CDH8: variants seen among roughly 807,000 people sequenced by gnomAD.
CDH8 encodes cadherin-8.
Under a neutral mutation model 68.1 loss-of-function variants are expected in CDH8, and 17 were observed. The observed-to-expected ratio is 0.25, with a 90% CI of 0.17 to 0.37. CDH8 has a LOEUF of 0.37. Among genes scored for constraint, CDH8 ranks in the 10% least tolerant of loss-of-function variants. The probability of loss-of-function intolerance (pLI) is 1.00; values close to 1 mark genes in which losing one functional copy is unlikely to be tolerated. For synonymous variants in CDH8, 372 were observed against 365.1 expected, an observed-to-expected ratio of 1.02 and a Z score of -0.21; for missense variants, 763 against 999.3, an observed-to-expected ratio of 0.76 and a Z score of 3.19.
At chr16:61,898,064 G>A (rs1231342175) in intron 3 of CDH8, among the ~76,000 whole-genome samples, 1 of 152,140 alleles carries the variant, frequency 6.6e-6, no homozygotes, top group Non-Finnish European at 1.5e-5. Flanking sequence ...CACTTTGGAA[G>A]GCTGAAGGGG....
chr16:61,692,429 G>C (rs1964244412), intron 10 of CDH8: 1 of 152,094 alleles, frequency 6.6e-6, no homozygotes, highest in Admixed American at 6.6e-5. Flanking sequence ...AGTATGAAAA[G>C]AGTATGCATA....
intron 3 of CDH8, among the ~76,000 whole-genome samples, chr16:61,859,215 T>A (rs1025627582): frequency 1.3e-5 from 2 of 152,090 alleles, no homozygotes; most frequent in African/African-American, 2.4e-5. Context: ...TGCAAGTAAC[T>A]CATCAACTAG....
chr16:61,675,449 T>C (rs555770557), intron 10 of CDH8, among the ~76,000 whole-genome samples: 1 of 62,562 alleles, frequency 1.6e-5, no homozygotes, highest in East Asian at 5.5e-4. Flanking sequence ...GGGACTGTGG[T>C]GGGGTGGGGG....
intron 8 of CDH8, among the ~76,000 whole-genome samples, chr16:61,783,742 G>C (rs1484900415): frequency 6.6e-6 from 1 of 151,792 alleles, no homozygotes; most frequent in Non-Finnish European, 1.5e-5. Flanking sequence ...GGATCTCTCG[G>C]CAGAAACCCT....
chr16:61,756,470 G>A (rs1390728624), intron 8 of CDH8, among the ~76,000 whole-genome samples: 6 of 151,858 alleles, frequency 4.0e-5, no homozygotes, highest in Non-Finnish European at 8.8e-5. Flanking sequence ...ATTTTGGGAG[G>A]CAACAGAAAT....
chr16:61,754,526 T>C (rs890614796), intron 8 of CDH8, among the ~76,000 whole-genome samples: 34 of 152,092 alleles, frequency 2.2e-4, no homozygotes, highest in Admixed American at 2.0e-3. Context: ...TTATATATAA[T>C]AGTTGTACAT....
At chr16:62,007,962 TA>T (rs1214076779) in intron 2 of CDH8, among the ~76,000 whole-genome samples, 1 of 152,104 alleles carries the variant, frequency 6.6e-6, no homozygotes, top group African/African-American at 2.4e-5. Context: ...TTATTATTAT[TA>T]TTTTTTTGAG....
Position 61,652,638 on chromosome 16 carries a change from A to G in CDH8, c.*970T>C. 5.5e-6 allele frequency: 6 copies of G among 1,091,086 alleles called. No individual in the cohort carries two copies. Among genetic ancestry groups the G allele is most frequent in the Non-Finnish European group, 5.8e-6 (5 of 866,286 alleles). The allele number at this position is 1,091,086 out of a possible 1,614,324, so 67.6% of individuals were successfully genotyped here. ...TGTATTAAACATTCATTGTATATAT[A>G]TTTATATAAAACAATCTAAAGGATT... On this transcript the variant is annotated 3_prime_UTR_variant, in exon 12 of 12. Transcript: ENST00000577390.
intron 10 of CDH8, among the ~76,000 whole-genome samples, chr16:61,659,620 T>G (rs1003612240): frequency 3.5e-4 from 53 of 152,064 alleles, no homozygotes; most frequent in Admixed American, 2.8e-3. Flanking sequence ...GCCCTTTCTC[T>G]AGCCCACCGT....
In CDH8 at chr16:61,914,201, T is replaced by C. The variant is rs138472968; in HGVS notation, c.253-12728A>G. On this transcript the variant is annotated intron_variant, in intron 2 of 11. Transcript: ENST00000577390. ...TGCTGAAACTTTGATCTTGGACTTC[T>C]AGCCTCCAGCACCACGAGAAAATAA... 8.9e-4 allele frequency among the ~76,000 whole-genome samples: 135 copies of C among 152,318 alleles called. 1 individual carries two copies. The highest frequency in any genetic ancestry group is 3.0e-3 in the African/African-American group (125 of 41,562).
At chr16:62,035,787 G>C (rs1902442929) in intron 1 of CDH8, among the ~76,000 whole-genome samples, 1 of 152,194 alleles carries the variant, frequency 6.6e-6, no homozygotes, top group Non-Finnish European at 1.5e-5. Flanking sequence ...GAAGGAAACC[G>C]GCAGGAAAAC....
At chr16:61,834,809 A>G (rs576379478) in intron 4 of CDH8, among the ~76,000 whole-genome samples, 45 of 152,070 alleles carry the variant, frequency 3.0e-4, no homozygotes, top group African/African-American at 1.0e-3. Flanking sequence ...AAAACAATTC[A>G]TTTTCCACAG....
At chr16:61,773,010 G>T (rs1288631001) in intron 8 of CDH8, among the ~76,000 whole-genome samples, 3 of 152,006 alleles carry the variant, frequency 2.0e-5, no homozygotes, top group South Asian at 2.1e-4. Context: ...TGTGGAGAAT[G>T]AGATTATTTC....
Position 62,018,669 on chromosome 16 carries a change from G to A in CDH8, c.252+2483C>T, listed in dbSNP as rs116489136. ...AAGGGAAATAGGTATGATGGGAAAT[G>A]TTCGCAGAAAAGTTTTCCAGAAAAT... On this transcript the variant is annotated intron_variant, in intron 2 of 11. Coordinates refer to ENST00000577390, the MANE Select transcript of CDH8 (RefSeq NM_001796.5). 2.2e-3 allele frequency among the ~76,000 whole-genome samples: 341 copies of A among 152,298 alleles called. 3 individuals carry two copies. Among genetic ancestry groups the A allele is most frequent in the African/African-American group, 7.8e-3 (326 of 41,566 alleles).
At chr16:62,011,045 A>C (rs1275441903) in intron 2 of CDH8, among the ~76,000 whole-genome samples, 1 of 152,092 alleles carries the variant, frequency 6.6e-6, no homozygotes, top group Non-Finnish European at 1.5e-5. Flanking sequence ...AAAAAAAATA[A>C]ATAAATGTAT....
chr16:61,694,839 A>T (rs555471343), intron 10 of CDH8, among the ~76,000 whole-genome samples: 147 of 152,024 alleles, frequency 9.7e-4, no homozygotes, highest in Non-Finnish European at 1.9e-3. Context: ...TGGAGTGCAG[A>T]GGTGTGATCT....
At chr16:61,823,710 G>T (rs1266483893) in intron 5 of CDH8, among the ~76,000 whole-genome samples, 2 of 151,812 alleles carry the variant, frequency 1.3e-5, no homozygotes, top group African/African-American at 4.8e-5. Flanking sequence ...TTAGGATAAA[G>T]GTCCTCATAG....
In CDH8 at chr16:61,699,327, C is replaced by T. The variant is rs116086393; in HGVS notation, c.1654+14514G>A. Among the ~76,000 whole-genome samples the T allele has an allele frequency of 3.7e-3, 561 of 152,198 alleles. 4 individuals carry two copies. The highest frequency in any genetic ancestry group is 0.013 in the African/African-American group (549 of 41,510). On this transcript the variant is annotated intron_variant, in intron 10 of 11. Transcript: ENST00000577390. ...ACCACCATGCGTTGGATTTTAAATTCTTACTTTGCAATTTCAACATTTGAA... is the reference window on the plus strand; with the variant it reads ...ACCACCATGCGTTGGATTTTAAATTTTTACTTTGCAATTTCAACATTTGAA...
chr16:61,813,535 G>A (rs1191609908), intron 7 of CDH8, among the ~76,000 whole-genome samples: 1 of 152,188 alleles, frequency 6.6e-6, no homozygotes, highest in African/African-American at 2.4e-5. Context: ...CTGTGTCTGA[G>A]CATGTCTACA....
Sources: allele counts gnomAD v4.1 joint callset (sites outside exome capture counted in the v4.1 genomes callset), GRCh38; gene constraint gnomAD v4.1.1; transcripts MANE v1.5; gene names NCBI Gene and HGNC (gene_info 2026-07-23, HGNC 2026-07-21).